COL22A1: variants seen among roughly 807,000 people sequenced by gnomAD.
COL22A1 encodes collagen type XXII alpha 1 chain, also known as collagen alpha-1(XXII) chain.
A neutral mutation model predicts 248.9 loss-of-function variants in COL22A1; 221 were observed. The observed-to-expected ratio is 0.89, with a 90% CI of 0.80 to 0.99. The LOEUF (loss-of-function observed/expected upper bound fraction) is 0.99. Among genes scored for constraint, COL22A1 ranks in the 50% least tolerant of loss-of-function variants. The pLI is 0.00. For synonymous variants in COL22A1, 891 were observed against 793.4 expected (o/e 1.12, Z -2.07); for missense variants, 2,240 against 2,179.0 (o/e 1.03, Z -0.56).
At chr8:138,716,143 G>T in intron 29 of COL22A1, 84 bp downstream of exon 29, 1 of 1,048,806 alleles carries the variant, frequency 9.5e-7, no homozygotes, top group South Asian at 1.5e-5. Context: ...TGACTGTCCC[G>T]AGGGACTGAG....
Position 138,775,851 on chromosome 8 carries a change from T to TGCACACACAAATGTGTACAC in COL22A1, c.1803+95_1803+114dup, listed in dbSNP as rs1814401817. ...ATACATGTACACACATGTGCACACA[T>TGCACACACAAATGTGTACAC]GCACACACAAATGTGTACACACACA... On this transcript the variant is annotated intron_variant, in intron 16 of 64. Coordinates refer to ENST00000303045, the MANE Select transcript of COL22A1 (RefSeq NM_152888.3). 7 of 1,017,648 alleles carry TGCACACACAAATGTGTACAC rather than the reference T, an allele frequency of 6.9e-6. No homozygotes were observed. The Admixed American group carries it at 1.0e-4, about 15-fold the overall frequency. The allele number at this position is 1,017,648 out of a possible 1,614,324, so 63.0% of individuals were successfully genotyped here. A position where few individuals can be genotyped will look rare whatever the true frequency, so the allele number is the denominator to read the frequency against.
intron 16 of COL22A1, among the ~76,000 whole-genome samples, chr8:138,774,110 A>G (rs2131481535): frequency 6.6e-6 from 1 of 152,306 alleles, no homozygotes; most frequent in African/African-American, 2.4e-5. Context: ...ACAAATCTAC[A>G]GAAACATGTG....
intron 41 of COL22A1, among the ~76,000 whole-genome samples, chr8:138,673,754 T>C (rs1458376724): frequency 6.6e-6 from 1 of 152,036 alleles, no homozygotes; most frequent in African/African-American, 2.4e-5. Context: ...AGTGATGTAG[T>C]GGACAGGTCA....
chr8:138,754,511 A>G (rs1164893229), intron 21 of COL22A1, among the ~76,000 whole-genome samples: 3 of 152,232 alleles, frequency 2.0e-5, no homozygotes, highest in Non-Finnish European at 4.4e-5. Flanking sequence ...TCCTTTCAAT[A>G]AAATACAGTA....
rs1491586296 is a variant in COL22A1 at position 138,804,739 on chromosome 8, T to TGTGTG, written c.1495-1806_1495-1805insCACAC. On this transcript the variant is annotated intron_variant, in intron 10 of 64. Coordinates refer to ENST00000303045, the MANE Select transcript of COL22A1 (RefSeq NM_152888.3). ...GATGGTGTGTGTGATGAGGGGTGTG[T>TGTGTG]ATGTGATGAGGGGTGTGTGTGTGAT... Among the ~76,000 whole-genome samples the TGTGTG allele has an allele frequency of 3.7e-4, 55 of 150,232 alleles. 1 individual carries two copies. The highest frequency in any genetic ancestry group is 7.9e-4 in the African/African-American group (32 of 40,716).
intron 40 of COL22A1, 52 bp downstream of exon 40, chr8:138,679,565 C>T: frequency 6.7e-7 from 1 of 1,498,188 alleles, no homozygotes; most frequent in Non-Finnish European, 9.3e-7. Context: ...GCTGCCTCTG[C>T]CTGTCTTGTC....
intron 50 of COL22A1, among the ~76,000 whole-genome samples, chr8:138,628,494 C>T (rs1482863865): frequency 6.6e-6 from 1 of 152,140 alleles, no homozygotes; most frequent in Non-Finnish European, 1.5e-5. Flanking sequence ...CAAGATCGTG[C>T]CACTGCACTC....
rs144566534 is a variant in COL22A1, at chr8:138,812,924, C to T, written c.1326+15G>A. The T allele has an allele frequency of 3.8e-4, 612 of 1,597,138 alleles. 7 individuals carry two copies. In the East Asian group the frequency reaches 0.013, roughly 33 times the overall value. On this transcript the variant is annotated intron_variant, in intron 8 of 64. Coordinates refer to ENST00000303045, the MANE Select transcript of COL22A1 (RefSeq NM_152888.3). ...CCCATTTCCTCCCATCCTCTCTGTG[C>T]GAGAGTCTGCTCACCGGACCCGAGG...
chr8:138,725,279 A>C, intron 24 of COL22A1, 108 bp downstream of exon 24: 1 of 1,166,992 alleles, frequency 8.6e-7, no homozygotes. Context: ...TTTGCACTGG[A>C]CTTGGGTGGA....
chr8:138,875,688 C>A (rs1823663334), intron 3 of COL22A1, among the ~76,000 whole-genome samples: 1 of 152,146 alleles, frequency 6.6e-6, no homozygotes, highest in Non-Finnish European at 1.5e-5. Context: ...TCCTATCACT[C>A]CTCTTTCCCC....
At chr8:138,744,204 G>A (rs540607571) in intron 22 of COL22A1, among the ~76,000 whole-genome samples, 5 of 152,240 alleles carry the variant, frequency 3.3e-5, no homozygotes, top group South Asian at 2.1e-4. Flanking sequence ...AAAGGAAAAC[G>A]AATTCAACCT....
At chr8:138,912,700 A>C (rs1371986637) in intron 1 of COL22A1, among the ~76,000 whole-genome samples, 23 of 151,898 alleles carry the variant, frequency 1.5e-4, no homozygotes, top group African/African-American at 5.6e-4. Context: ...CCGAGGCTGC[A>C]CCTCGCACCA....
At chr8:138,844,014 C>G in intron 4 of COL22A1, 70 bp downstream of exon 4, 1 of 1,366,640 alleles carries the variant, frequency 7.3e-7, no homozygotes, top group Non-Finnish European at 1.0e-6. Flanking sequence ...CCTGAATTGA[C>G]TAGGGTCATG....
In COL22A1 at chr8:138,688,963, G is replaced by A; in HGVS notation, c.2816C>T (p.Pro939Leu). ...TTTCCCTGGGGTGCCTCTGAGGCCG[G>A]GAGCACCCTGTGGCAAGGAAGATTA... ...PSGPPGSVGA[P>L]GLRGTPGKDG... is the part of the protein sequence containing the mutation. Residue 939 changes from proline to leucine, a missense_variant, in exon 37 of 65, where the codon CCC becomes CTC. Transcript: ENST00000303045. 1.9e-6 allele frequency: 3 copies of A among 1,613,114 alleles called. No homozygotes were observed. The highest frequency in any genetic ancestry group is 2.5e-6 in the Non-Finnish European group (3 of 1,179,258).
chr8:138,790,648 C>CCATTATTT lies in COL22A1; in HGVS notation c.1596+6163_1596+6170dup, dbSNP rs568555660. On this transcript the variant is annotated intron_variant, in intron 12 of 64. Transcript: ENST00000303045. ...ATAACCTGGTTCCGGTGAGAAGAAC[C>CCATTATTT]CATTATTTAACACTGTGGACAGCAC... is the stretch of plus-strand genomic sequence containing the variant. Among the ~76,000 whole-genome samples, 8 of 152,256 alleles carry CCATTATTT rather than the reference C, an allele frequency of 5.3e-5. 1 individual carries two copies. The highest frequency in any genetic ancestry group is 1.9e-4 in the African/African-American group (8 of 41,548).
At chr8:138,662,821 T>A (rs1030081512) in intron 42 of COL22A1, among the ~76,000 whole-genome samples, 4 of 152,116 alleles carry the variant, frequency 2.6e-5, no homozygotes, top group Admixed American at 6.5e-5. Flanking sequence ...ACGTAGTGCC[T>A]CAATTTCTTC....
intron 43 of COL22A1, 21 bp from the exon 44 acceptor site, chr8:138,660,501 A>C (rs372949305): frequency 1.7e-5 from 27 of 1,612,240 alleles, no homozygotes; most frequent in Non-Finnish European, 1.7e-6. Context: ...AAGGAAATAA[A>C]ACATTAACTG....
chr8:138,809,584 G>T (rs1818030306), intron 9 of COL22A1, among the ~76,000 whole-genome samples: 1 of 145,342 alleles, frequency 6.9e-6, no homozygotes, highest in Admixed American at 7.1e-5. Flanking sequence ...GCAATAGCAC[G>T]ATCTCGGCTC....
intron 25 of COL22A1, among the ~76,000 whole-genome samples, chr8:138,723,810 G>A (rs1340156125): frequency 6.6e-6 from 1 of 152,184 alleles, no homozygotes. Context: ...GGACGCTGGT[G>A]TTACCACGAC....
Sources: gnomAD v4.1 joint callset for allele counts (sites outside exome capture counted in the v4.1 genomes callset) on GRCh38, gnomAD v4.1.1 for gene constraint, MANE v1.5 for transcripts, NCBI Gene and HGNC (gene_info 2026-07-23, HGNC 2026-07-21) for gene names.